The following ZNF503 variants were observed in gnomAD, a reference collection of about 807,000 sequenced individuals.
ZNF503 encodes the protein zinc finger protein 503.
In ZNF503, 15 loss-of-function variants were observed where a neutral mutation model predicts 34.4. The observed-to-expected ratio is 0.44, with a 90% confidence interval of 0.29 to 0.67. ZNF503 has a LOEUF of 0.67. Ranked by LOEUF, ZNF503 falls within the 30% of genes least tolerant of loss-of-function variation. ZNF503 has a pLI of 0.13. For missense variants in ZNF503, 1,007 were observed against 926.8 expected (o/e 1.09, Z -1.12); for synonymous variants, 580 against 456.8 (o/e 1.27, Z -3.44).
the ZNF503 span, among the ~76,000 whole-genome samples, chr10:75,383,005 G>C: frequency 1.3e-5 from 2 of 152,118 alleles, no homozygotes; most frequent in African/African-American, 2.4e-5. Context: ...CCTTCTTACT[G>C]ATATCTGCCT....
chr10:75,325,552 C>A, the ZNF503 span, among the ~76,000 whole-genome samples: 3 of 152,238 alleles, frequency 2.0e-5, no homozygotes, highest in African/African-American at 7.2e-5. Flanking sequence ...GGTTTGAGTT[C>A]TTTAACATTA....
At chr10:75,318,399 G>A in the ZNF503 span, among the ~76,000 whole-genome samples, 5 of 152,080 alleles carry the variant, frequency 3.3e-5, no homozygotes, top group African/African-American at 1.2e-4. Flanking sequence ...GGCCAGGCAT[G>A]GTGGCTCACA....
the ZNF503 span, among the ~76,000 whole-genome samples, chr10:75,332,332 CTT>C: frequency 6.6e-6 from 1 of 151,578 alleles, no homozygotes; most frequent in African/African-American, 2.4e-5. Flanking sequence ...TTTTTTTCTC[CTT>C]TTGTTTCAGC....
At chr10:75,334,204 G>C in the ZNF503 span, among the ~76,000 whole-genome samples, 931 of 151,826 alleles carry the variant, frequency 6.1e-3, 12 homozygotes, top group African/African-American at 0.021. Context: ...CCTTGCCCTC[G>C]GGCCCCGCGG....
the ZNF503 span, among the ~76,000 whole-genome samples, chr10:75,380,582 G>C: frequency 6.6e-6 from 1 of 152,204 alleles, no homozygotes; most frequent in Admixed American, 6.5e-5. Context: ...CAGCAATAAT[G>C]AGAAGCACTG....
the ZNF503 span, among the ~76,000 whole-genome samples, chr10:75,381,000 C>G: frequency 6.6e-6 from 1 of 152,200 alleles, no homozygotes; most frequent in Non-Finnish European, 1.5e-5. Flanking sequence ...AAATCCCACA[C>G]GCTCACTCCA....
the ZNF503 span, among the ~76,000 whole-genome samples, chr10:75,331,973 A>G: frequency 6.6e-6 from 1 of 151,922 alleles, no homozygotes; most frequent in African/African-American, 2.4e-5. Context: ...TTATCTAAGT[A>G]TAGCTACTTC....
At chr10:75,361,784 G>A in the ZNF503 span, 1 of 152,176 alleles carries the variant, frequency 6.6e-6, no homozygotes, top group Non-Finnish European at 1.5e-5. Flanking sequence ...TAGGTACAGA[G>A]TAGGTCTCTG....
At chr10:75,324,353 C>T in the ZNF503 span, among the ~76,000 whole-genome samples, 1 of 150,830 alleles carries the variant, frequency 6.6e-6, no homozygotes, top group Non-Finnish European at 1.5e-5. Context: ...CAGGGTCTCG[C>T]TCTATCACCC....
chr10:75,367,111 G>A, the ZNF503 span, among the ~76,000 whole-genome samples: 1,123 of 152,320 alleles, frequency 7.4e-3, 10 homozygotes, highest in Non-Finnish European at 0.01. Flanking sequence ...TGAAGGTCAT[G>A]ATAAGTATCC....
At chr10:75,377,244 C>T in the ZNF503 span, among the ~76,000 whole-genome samples, 9 of 152,146 alleles carry the variant, frequency 5.9e-5, no homozygotes, top group African/African-American at 1.4e-4. Context: ...GCCTTTCAGG[C>T]GCCCAGTGAC....
the ZNF503 span, among the ~76,000 whole-genome samples, chr10:75,370,059 A>AAAATAAAT: frequency 0.029 from 4,111 of 142,722 alleles, 88 homozygotes; most frequent in Middle Eastern, 0.047. Context: ...ACTACATGTC[A>AAAATAAAT]AAATAAATAA....
the ZNF503 span, among the ~76,000 whole-genome samples, chr10:75,377,134 C>T: frequency 6.6e-6 from 1 of 152,214 alleles, no homozygotes; most frequent in East Asian, 1.9e-4. Context: ...TGTGTCTTCA[C>T]AAGCCCTCAG....
At chr10:75,325,352 G>A in the ZNF503 span, among the ~76,000 whole-genome samples, 3 of 148,834 alleles carry the variant, frequency 2.0e-5, no homozygotes. Flanking sequence ...TTGAGACAGG[G>A]TCTTGCTTTG....
At chr10:75,289,206 G>T in the ZNF503 span, among the ~76,000 whole-genome samples, 1 of 152,172 alleles carries the variant, frequency 6.6e-6, no homozygotes, top group Non-Finnish European at 1.5e-5. Context: ...GTTTTGAATC[G>T]TAATAAAATC....
At chr10:75,315,186 C>A in the ZNF503 span, among the ~76,000 whole-genome samples, 1 of 152,186 alleles carries the variant, frequency 6.6e-6, no homozygotes. Flanking sequence ...ATAGCAAGAC[C>A]CTGTCTCTAC....
At chr10:75,303,293 G>C in the ZNF503 span, among the ~76,000 whole-genome samples, 1 of 152,220 alleles carries the variant, frequency 6.6e-6, no homozygotes, top group Admixed American at 6.5e-5. Flanking sequence ...ACAACTGCAT[G>C]AGTCCAGGGC....
the ZNF503 span, among the ~76,000 whole-genome samples, chr10:75,334,376 T>C: frequency 6.6e-6 from 1 of 152,376 alleles, no homozygotes; most frequent in South Asian, 2.1e-4. Flanking sequence ...AGAACTCCCA[T>C]GTATAAGTCA....
the ZNF503 span, among the ~76,000 whole-genome samples, chr10:75,336,377 C>CAAA: frequency 3.3e-4 from 46 of 137,402 alleles, no homozygotes; most frequent in African/African-American, 1.0e-3. Context: ...ACAGAATTGT[C>CAAA]AAAAAAAAAA....
Sources: allele counts gnomAD v4.1 joint callset (sites outside exome capture counted in the v4.1 genomes callset), GRCh38; gene constraint gnomAD v4.1.1; transcripts MANE v1.5; gene names NCBI Gene and HGNC (gene_info 2026-07-23, HGNC 2026-07-21).